The following UBN2 variants were observed in gnomAD, a reference collection of about 807,000 sequenced individuals.
UBN2 encodes the protein ubinuclein-2.
A neutral mutation model predicts 120.2 loss-of-function variants in UBN2; 35 were observed. The observed-to-expected ratio is 0.29, with a 90% CI of 0.22 to 0.39. The LOEUF is 0.39. Among genes scored for constraint, UBN2 ranks in the 10% least tolerant of loss-of-function variants. The pLI, the probability that UBN2 is intolerant of heterozygous loss-of-function variation, is 1.00. For missense variants in UBN2, 1,693 were observed against 1,663.2 expected, an observed-to-expected ratio of 1.02 and a Z score of -0.31; for synonymous variants, 661 against 648.7, an observed-to-expected ratio of 1.02 and a Z score of -0.29.
chr7:139,273,329 G>T lies in UBN2; in HGVS notation c.1748G>T (p.Gly583Val). The T allele has an allele frequency of 6.2e-7, 1 of 1,608,288 alleles. No individual in the cohort carries two copies. Among genetic ancestry groups the T allele is most frequent in the Non-Finnish European group, 8.5e-7 (1 of 1,177,048 alleles). Residue 583 changes from glycine (G) to valine (V), a missense_variant, in exon 10 of 18, where the codon GGA (glycine) becomes GTA (valine). This residue lies in a region of UBN2 where 178 missense variants were observed against 204.0 expected (regional missense o/e 0.87). Transcript: ENST00000473989. ...ACAGATGAAGAACGAGAAAAAAATG[G>T]ATCTGAAGAGGATGATGATGAGAAA... Reference protein sequence around the residue: ...LQTDEEREKNGSEEDDDEKPG... With the variant: ...LQTDEEREKNVSEEDDDEKPG...
In UBN2 at chr7:139,256,559, C is replaced by G. The variant is rs1227737548; in HGVS notation, c.664-1929C>G. On this transcript the variant is annotated intron_variant, in intron 3 of 17. Transcript: ENST00000473989. Reference sequence around the variant, plus strand: ...TACCTCACAAGGGTATCATGAGGACCAAATGAAATAATTTATATGAAGAAG... The same window carrying G: ...TACCTCACAAGGGTATCATGAGGACGAAATGAAATAATTTATATGAAGAAG... Among the ~76,000 whole-genome samples, 10 of 152,140 alleles carry G rather than the reference C, an allele frequency of 6.6e-5. No homozygotes were observed. The East Asian group carries it at 1.5e-3, about 23-fold the overall frequency.
Position 139,300,995 on chromosome 7 carries a change from G to A in UBN2, c.*3159G>A, listed in dbSNP as rs1344843059. Reference sequence around the variant, plus strand: ...ATTTTAAAACAGCCTGAAGAAAAAGGTTTTGGGAAAGGAAATGAGGCTAAT... The same window carrying A: ...ATTTTAAAACAGCCTGAAGAAAAAGATTTTGGGAAAGGAAATGAGGCTAAT... On this transcript the variant is annotated 3_prime_UTR_variant, in exon 18 of 18. Coordinates refer to ENST00000473989, the MANE Select transcript of UBN2 (RefSeq NM_173569.4). 1 of 152,186 alleles carries A rather than the reference G, an allele frequency of 6.6e-6. No homozygotes were observed. The highest frequency in any genetic ancestry group is 1.5e-5 in the Non-Finnish European group (1 of 68,036). The allele number at this position is 152,186 out of a possible 1,614,324, so 9.4% of individuals were successfully genotyped here.
chr7:139,237,744 T>A (rs1349334169), intron 2 of UBN2, among the ~76,000 whole-genome samples: 3 of 152,150 alleles, frequency 2.0e-5, no homozygotes, highest in Non-Finnish European at 4.4e-5. Context: ...CAGGTCCAGG[T>A]CTGTGTAGCT....
intron 3 of UBN2, among the ~76,000 whole-genome samples, chr7:139,258,012 G>A (rs562267244): frequency 2.2e-4 from 34 of 152,268 alleles, no homozygotes; most frequent in African/African-American, 8.2e-4. Context: ...GACCCCAGGT[G>A]ATCCACCCGC....
chr7:139,279,438 T>C (rs1470262661), intron 13 of UBN2, 78 bp downstream of exon 13: 1 of 1,208,236 alleles, frequency 8.3e-7, no homozygotes, highest in African/African-American at 1.5e-5. Context: ...AAAAGATGTA[T>C]GGTATTTAGC....
chr7:139,247,615 T>G (rs926943683), intron 2 of UBN2, among the ~76,000 whole-genome samples: 2 of 152,224 alleles, frequency 1.3e-5, no homozygotes, highest in Non-Finnish European at 2.9e-5. Flanking sequence ...AATAGATGAT[T>G]GTACTTAGTA....
rs371325900 is a variant in UBN2, at chr7:139,272,371, A to G, written c.1646A>G (p.Asn549Ser). The part of the protein sequence containing the change: ...PLQKLKLAVS[N>S]VMPEQLFKYQ... ...CAAAAACTGAAACTGGCTGTTAGCAATGTCATGCCTGAACAGCTATTTAAA... is the reference window on the plus strand; with the variant it reads ...CAAAAACTGAAACTGGCTGTTAGCAGTGTCATGCCTGAACAGCTATTTAAA... Residue 549 changes from asparagine (N) to serine (S), a missense_variant, in exon 9 of 18, where the codon AAT becomes AGT. Around this residue, in one of 5 missense-constraint regions of UBN2, gnomAD observed 178 missense variants for 204.0 expected, o/e 0.87. Transcript: ENST00000473989. 18 of 1,613,748 alleles carry G rather than the reference A, an allele frequency of 1.1e-5. No homozygotes were observed. Among genetic ancestry groups the G allele is most frequent in the Non-Finnish European group, 1.1e-5 (13 of 1,179,952 alleles).
the UBN2 span, among the ~76,000 whole-genome samples, chr7:139,329,352 C>A: frequency 2.0e-5 from 3 of 151,758 alleles, no homozygotes; most frequent in African/African-American, 7.3e-5. Flanking sequence ...TGCTTATCTG[C>A]TGAGACAGCA....
chr7:139,243,457 T>G (rs1442193334), intron 2 of UBN2, among the ~76,000 whole-genome samples: 1 of 152,200 alleles, frequency 6.6e-6, no homozygotes, highest in Non-Finnish European at 1.5e-5. Context: ...TCAACAGAAG[T>G]CTTTCTAGTA....
At chr7:139,267,980 C>T (rs1797149904) in intron 7 of UBN2, among the ~76,000 whole-genome samples, 1 of 152,196 alleles carries the variant, frequency 6.6e-6, no homozygotes, top group South Asian at 2.1e-4. Flanking sequence ...GGGATCTGAC[C>T]AACTCTTCTT....
At position 139,234,639 on chromosome 7, in the gene UBN2, G is replaced by C. The variant is rs544908141; in HGVS notation, c.469-2366G>C. On this transcript the variant is annotated intron_variant, in intron 1 of 17. Transcript: ENST00000473989. ...CACCATTTCTGGCTAAAGGGTAATA[G>C]TGCATTTTAGAAATAAATTTTGGCA... 2.0e-5 allele frequency among the ~76,000 whole-genome samples: 3 copies of C among 152,284 alleles called. No homozygotes were observed. The East Asian group carries it at 5.8e-4, about 29-fold the overall frequency.
At chr7:139,274,816 A>AGT (rs1258912483) in intron 11 of UBN2, among the ~76,000 whole-genome samples, 1 of 151,544 alleles carries the variant, frequency 6.6e-6, no homozygotes, top group African/African-American at 2.4e-5. Context: ...GGCCAGGTGC[A>AGT]GTGGTTCACA....
rs1798310120 is a variant in UBN2 at position 139,303,710 on chromosome 7, A to G, written c.*5874A>G. 6.6e-6 allele frequency: 1 copy of G among 152,188 alleles called. No individual in the cohort carries two copies. Among genetic ancestry groups the G allele is most frequent in the Non-Finnish European group, 1.5e-5 (1 of 68,034 alleles). 9.4% of individuals were successfully genotyped at this position (152,188 alleles called of 1,614,324 possible). On this transcript the variant is annotated 3_prime_UTR_variant, in exon 18 of 18. Coordinates refer to ENST00000473989, the MANE Select transcript of UBN2 (RefSeq NM_173569.4). ...TATCATCTTCCTGCAGAGGCTAAAAAATGTTTTCCTTATAATGAGTATAAA... is the reference window on the plus strand; with the variant it reads ...TATCATCTTCCTGCAGAGGCTAAAAGATGTTTTCCTTATAATGAGTATAAA...
In UBN2 at chr7:139,299,486, A is replaced by G. The variant is rs993509865; in HGVS notation, c.*1650A>G. 5.9e-5 allele frequency: 9 copies of G among 152,320 alleles called. No individual in the cohort carries two copies. The highest frequency in any genetic ancestry group is 1.9e-4 in the East Asian group (1 of 5,188). The allele number at this position is 152,320 out of a possible 1,614,324, so 9.4% of individuals were successfully genotyped here. A position where few individuals can be genotyped will look rare whatever the true frequency, so the allele number is the denominator to read the frequency against. On this transcript the variant is annotated 3_prime_UTR_variant, in exon 18 of 18. Transcript: ENST00000473989. ...CAGATCGGTTCAGATCTGTATGCCT[A>G]TATTTTGACTTCAAAGTCACATTGG...
intron 13 of UBN2, among the ~76,000 whole-genome samples, chr7:139,280,948 GTCCTCTTTTTCT>G (rs1468641150): frequency 1.3e-5 from 2 of 152,128 alleles, no homozygotes; most frequent in African/African-American, 4.8e-5. Context: ...CCAGCCAGTA[GTCCTCTTTTTCT>G]TAATAGCCTA....
chr7:139,272,843 CT>C (rs1184261537), intron 9 of UBN2, among the ~76,000 whole-genome samples: 5 of 152,142 alleles, frequency 3.3e-5, no homozygotes, highest in Admixed American at 2.0e-4. Context: ...TTGAGAAGTA[CT>C]TTTAGCTGTT....
chr7:139,258,554 C>T lies in UBN2; in HGVS notation c.730C>T (p.Leu244=). 6.2e-7 allele frequency: 1 copy of T among 1,606,818 alleles called. No homozygotes were observed. Among genetic ancestry groups the T allele is most frequent in the Non-Finnish European group, 8.5e-7 (1 of 1,176,204 alleles). ...AGGCTTTTATATCAACACTGGCACT[C>T]TACAGTTTCGCCAAGCTTCAGATAC... The part of the protein sequence containing the change: ...YGGFYINTGT[L]QFRQASDTEE... Residue 244 remains leucine (L), a synonymous_variant, in exon 4 of 18, where the codon CTA becomes TTA. Transcript: ENST00000473989.
At position 139,297,958 on chromosome 7, in the gene UBN2, C is replaced by A; in HGVS notation, c.*122C>A. 9.2e-7 allele frequency: 1 copy of A among 1,092,702 alleles called. No homozygotes were observed. Among genetic ancestry groups the A allele is most frequent in the Non-Finnish European group, 1.4e-6 (1 of 731,116 alleles). 67.7% of individuals were successfully genotyped at this position (1,092,702 alleles called of 1,614,324 possible). A position where few individuals can be genotyped will look rare whatever the true frequency, so the allele number is the denominator to read the frequency against. ...GATGTTTACATTCTCTCGTCCCAAG[C>A]ACTGTGGTGAGGAGGAAAAAGAAAA... On this transcript the variant is annotated 3_prime_UTR_variant, in exon 18 of 18. Transcript: ENST00000473989.
chr7:139,276,108 A>G lies in UBN2; in HGVS notation c.1985A>G (p.Lys662Arg). 6.2e-7 allele frequency: 1 copy of G among 1,612,986 alleles called. No individual in the cohort carries two copies. Among genetic ancestry groups the G allele is most frequent in the South Asian group, 1.1e-5 (1 of 90,834 alleles). The change falls in exon 12 of 18, where the codon AAG becomes AGG. Residue 662 changes from lysine (K) to arginine (R), a missense_variant. Transcript: ENST00000473989. ...KGWMQARMLF[K>R]ESRSVHNHLT... ...TTAAATTTTTCCAGAATGCTTTTTA[A>G]GGAAAGCCGGAGTGTTCATAATCAT...
Sources: gnomAD v4.1 joint callset for allele counts (sites outside exome capture counted in the v4.1 genomes callset) on GRCh38, gnomAD v4.1.1 for gene constraint, gnomAD v4.1.1 regional missense constraint, MANE v1.5 for transcripts, NCBI Gene and HGNC (gene_info 2026-07-23, HGNC 2026-07-21) for gene names.